BCL2L13: variants seen among roughly 807,000 people sequenced by gnomAD.
BCL2L13 encodes the protein bcl-2-like protein 13.
A neutral mutation model predicts 25.8 loss-of-function variants in BCL2L13; 13 were observed. The observed-to-expected ratio is 0.50, with a 90% CI of 0.33 to 0.80. The LOEUF (loss-of-function observed/expected upper bound fraction) is 0.80, where lower values mean the gene tolerates loss of function less well. Among genes scored for constraint, BCL2L13 ranks in the 30% least tolerant of loss-of-function variants. The probability of loss-of-function intolerance (pLI) is 0.02; values close to 1 mark genes in which losing one functional copy is unlikely to be tolerated. For missense variants in BCL2L13, 504 were observed against 574.9 expected (o/e 0.88, Z 1.26); for synonymous variants, 244 against 230.3 (o/e 1.06, Z -0.54).
At chr22:17,651,332 C>T (rs1207993270) in intron 1 of BCL2L13, among the ~76,000 whole-genome samples, 1 of 151,372 alleles carries the variant, frequency 6.6e-6, no homozygotes, top group African/African-American at 2.4e-5. Context: ...TTGACTTATA[C>T]AGAATACTTA....
intron 2 of BCL2L13, among the ~76,000 whole-genome samples, chr22:17,659,629 C>T (rs1240317743): frequency 6.9e-6 from 1 of 144,252 alleles, no homozygotes; most frequent in Middle Eastern, 3.7e-3. Flanking sequence ...CCACTGCACT[C>T]CAGCCTGGGC....
chr22:17,672,254 G>T (rs2059441154), intron 2 of BCL2L13, among the ~76,000 whole-genome samples: 1 of 152,198 alleles, frequency 6.6e-6, no homozygotes, highest in Non-Finnish European at 1.5e-5. Context: ...TAGGACTTGG[G>T]AATCTATAAT....
rs565610951 is a variant in BCL2L13 at position 17,729,381 on chromosome 22, A to G, written c.*1847A>G. ...GTGAGTGGGGGGAATGGGATTATTG[A>G]GGCAATGATTTTTTTCTTCATGGGC... On this transcript the variant is annotated 3_prime_UTR_variant, in exon 7 of 7. Transcript: ENST00000317582. 2 of 152,248 alleles carry G rather than the reference A, an allele frequency of 1.3e-5. No homozygotes were observed. Among genetic ancestry groups the G allele is most frequent in the South Asian group, 2.1e-4 (1 of 4,830 alleles). The allele number at this position is 152,248 out of a possible 1,614,324, so 9.4% of individuals were successfully genotyped here.
chr22:17,729,011 G>A lies in BCL2L13; in HGVS notation c.*1477G>A, dbSNP rs1267347716. 2.6e-5 allele frequency: 4 copies of A among 152,174 alleles called. No homozygotes were observed. The highest frequency in any genetic ancestry group is 2.1e-4 in the South Asian group (1 of 4,824). 9.4% of individuals were successfully genotyped at this position (152,174 alleles called of 1,614,324 possible). A position where few individuals can be genotyped will look rare whatever the true frequency, so the allele number is the denominator to read the frequency against. ...TCTTTCCATGCCCGAGGGCCACGAC[G>A]TCACTATGCAGGGCACACGTGGCTT... On this transcript the variant is annotated 3_prime_UTR_variant, in exon 7 of 7. Coordinates refer to ENST00000317582, the MANE Select transcript of BCL2L13 (RefSeq NM_015367.4).
At chr22:17,685,815 A>G (rs1342090381) in intron 3 of BCL2L13, among the ~76,000 whole-genome samples, 2 of 104,738 alleles carry the variant, frequency 1.9e-5, no homozygotes, top group African/African-American at 7.4e-5. Context: ...TCTGTTGCCC[A>G]GGCTGGAGTG....
chr22:17,696,031 C>A (rs1601698530), intron 4 of BCL2L13, 110 bp from the exon 5 acceptor site: 2 of 662,722 alleles, frequency 3.0e-6, no homozygotes, highest in Non-Finnish European at 5.3e-6. Context: ...GTTGAATAAT[C>A]TTTGTCAGTT....
chr22:17,714,108 A>C (rs1412000095), intron 6 of BCL2L13, among the ~76,000 whole-genome samples: 1 of 151,968 alleles, frequency 6.6e-6, no homozygotes, highest in Non-Finnish European at 1.5e-5. Context: ...CCTGGCTAAC[A>C]TGGTGAAACC....
intron 2 of BCL2L13, among the ~76,000 whole-genome samples, chr22:17,680,458 G>A (rs541727177): frequency 2.5e-4 from 34 of 135,152 alleles, no homozygotes; most frequent in African/African-American, 8.1e-4. Flanking sequence ...GCAGTGAGCC[G>A]AGATCAAGCC....
At chr22:17,714,249 C>A (rs559426158) in intron 6 of BCL2L13, among the ~76,000 whole-genome samples, 1 of 151,322 alleles carries the variant, frequency 6.6e-6, no homozygotes, top group Admixed American at 6.6e-5. Flanking sequence ...GCAGAGATTG[C>A]GCCACTGCAC....
rs141682076 is a variant in BCL2L13 at position 17,674,358 on chromosome 22, G to A, written c.122-8856G>A. ...TTGCTGGCGGGGCACAGTGGCTTACGCACTTTGGGAGGCTGAGGCGGGCGG... is the reference window on the plus strand; with the variant it reads ...TTGCTGGCGGGGCACAGTGGCTTACACACTTTGGGAGGCTGAGGCGGGCGG... On this transcript the variant is annotated intron_variant, in intron 2 of 6. Coordinates refer to ENST00000317582, the MANE Select transcript of BCL2L13 (RefSeq NM_015367.4). 1.4e-4 allele frequency among the ~76,000 whole-genome samples: 22 copies of A among 152,228 alleles called. No homozygotes were observed. In the South Asian group the frequency reaches 2.1e-3, roughly 14 times the overall value.
At chr22:17,719,597 G>A (rs1238999836) in intron 6 of BCL2L13, among the ~76,000 whole-genome samples, 6 of 152,174 alleles carry the variant, frequency 3.9e-5, no homozygotes, top group African/African-American at 7.2e-5. Flanking sequence ...AAGTACGGCC[G>A]AGGCAGGTGG....
At chr22:17,681,561 G>T (rs1205236416) in intron 2 of BCL2L13, among the ~76,000 whole-genome samples, 2 of 151,820 alleles carry the variant, frequency 1.3e-5, no homozygotes, top group East Asian at 3.9e-4. Flanking sequence ...GCTTATAGAG[G>T]TCCTGAGAGG....
Position 17,689,084 on chromosome 22 carries a change from A to G in BCL2L13, c.328A>G (p.Lys110Glu), listed in dbSNP as rs764958853. ...AGACTGCTTGGCCCATCTTGGAGAA[A>G]AAGTGTCCCAGGAACTGAAAGAGCC... ...MEDCLAHLGE[K>E]VSQELKEPLH... Residue 110 changes from lysine (K) to glutamate (E), a missense_variant, in exon 4 of 7, where the codon AAA becomes GAA. Physicochemically the swap from Lys to Glu is moderately conservative, Grantham distance 56. Coordinates refer to ENST00000317582, the MANE Select transcript of BCL2L13 (RefSeq NM_015367.4). 13 of 1,614,058 alleles carry G rather than the reference A, an allele frequency of 8.1e-6. No individual in the cohort carries two copies. In the African/African-American group the frequency reaches 1.1e-4, roughly 13 times the overall value.
intron 2 of BCL2L13, among the ~76,000 whole-genome samples, chr22:17,660,456 T>C (rs1445539820): frequency 2.1e-5 from 3 of 145,242 alleles, no homozygotes; most frequent in African/African-American, 7.3e-5. Flanking sequence ...GCCTTGCTCT[T>C]CTGCCCAGGC....
chr22:17,631,699 TATATA>T, intron 1 of BCL2L13, among the ~76,000 whole-genome samples: 6 of 31,354 alleles, frequency 1.9e-4, no homozygotes, highest in Admixed American at 1.6e-3. Flanking sequence ...TATATATATA[TATATA>T]TATTTTTTTT....
In BCL2L13 at chr22:17,719,846, A is replaced by AC. The variant is rs1555897105; in HGVS notation, c.601-6831_601-6830insC. Among the ~76,000 whole-genome samples, 1,034 of 129,142 alleles carry AC rather than the reference A, an allele frequency of 8.0e-3. 29 individuals carry two copies. Among genetic ancestry groups the AC allele is most frequent in the African/African-American group, 0.026 (970 of 36,668 alleles). 84.7% of individuals were successfully genotyped at this position (129,142 alleles called of 152,430 possible). ...CCATCTCAAAAAAAAAAAAAAAAAA[A>AC]AAAAGAATGAAGTATGGATACATGC... On this transcript the variant is annotated intron_variant, in intron 6 of 6. Coordinates refer to ENST00000317582, the MANE Select transcript of BCL2L13 (RefSeq NM_015367.4).
At chr22:17,711,255 CTT>C in intron 6 of BCL2L13, among the ~76,000 whole-genome samples, 1 of 147,262 alleles carries the variant, frequency 6.8e-6, no homozygotes, top group East Asian at 1.9e-4. Context: ...AGACATTTTA[CTT>C]TTAATTTTCA....
chr22:17,636,846 A>C (rs764135721), upstream of BCL2L13, among the ~76,000 whole-genome samples: 36 of 152,204 alleles, frequency 2.4e-4, no homozygotes, highest in Non-Finnish European at 4.3e-4. Flanking sequence ...GACTGAGAGC[A>C]ATGTGAAAGA....
intron 2 of BCL2L13, among the ~76,000 whole-genome samples, chr22:17,677,023 G>A (rs1191014506): frequency 6.6e-6 from 1 of 152,208 alleles, no homozygotes; most frequent in African/African-American, 2.4e-5. Flanking sequence ...TGCTATTGGT[G>A]ACATTGAGGA....
Sources: gnomAD v4.1 joint callset for allele counts (sites outside exome capture counted in the v4.1 genomes callset) on GRCh38, gnomAD v4.1.1 for gene constraint, MANE v1.5 for transcripts, NCBI Gene and HGNC (gene_info 2026-07-23, HGNC 2026-07-21) for gene names.